The following PPP2R2C variants were observed in gnomAD, a reference collection of about 807,000 sequenced individuals.
PPP2R2C encodes protein phosphatase 2 regulatory subunit Bgamma.
A neutral mutation model predicts 45.3 loss-of-function variants in PPP2R2C; 10 were observed. That is an observed-to-expected ratio of 0.22 (90% CI 0.14 to 0.37). PPP2R2C has a LOEUF of 0.37. PPP2R2C is among the 10% of genes least tolerant of loss of function. The pLI is 1.00. For missense variants in PPP2R2C, 308 were observed against 619.7 expected (o/e 0.50, Z 5.34); for synonymous variants, 257 against 245.4 (o/e 1.05, Z -0.44).
intron 2 of PPP2R2C, among the ~76,000 whole-genome samples, chr4:6,524,673 A>G (rs1027768606): frequency 1.3e-5 from 2 of 152,182 alleles, no homozygotes; most frequent in Non-Finnish European, 1.5e-5. Flanking sequence ...AGCTTCACCT[A>G]TTTGTTACAA....
chr4:6,427,134 C>T (rs1719375590), intron 1 of PPP2R2C, among the ~76,000 whole-genome samples: 1 of 152,222 alleles, frequency 6.6e-6, no homozygotes, highest in African/African-American at 2.4e-5. Context: ...TCCTCCTGCT[C>T]ACTGCTCCAC....
chr4:6,525,226 G>A (rs940882905), intron 2 of PPP2R2C, among the ~76,000 whole-genome samples: 1 of 152,032 alleles, frequency 6.6e-6, no homozygotes, highest in African/African-American at 2.4e-5. Context: ...CCAACATGGT[G>A]AAACCCCATC....
intron 6 of PPP2R2C, among the ~76,000 whole-genome samples, chr4:6,336,182 C>T (rs1171449873): frequency 2.0e-5 from 3 of 152,062 alleles, no homozygotes. Context: ...TAGGCGCCTC[C>T]CTTTCCAGGA....
At chr4:6,447,806 C>G (rs976511125) in intron 1 of PPP2R2C, among the ~76,000 whole-genome samples, 1 of 152,134 alleles carries the variant, frequency 6.6e-6, no homozygotes, top group Admixed American at 6.5e-5. Flanking sequence ...CGTTTTCTCC[C>G]GTGCCTCAGC....
intron 2 of PPP2R2C, among the ~76,000 whole-genome samples, chr4:6,521,208 A>G (rs1362064294): frequency 6.6e-6 from 1 of 152,214 alleles, no homozygotes; most frequent in Non-Finnish European, 1.5e-5. Context: ...GTGCAAATAC[A>G]GCACCCAGTT....
chr4:6,383,680 A>G, intron 1 of PPP2R2C: 1 of 575,634 alleles, frequency 1.7e-6, no homozygotes, highest in South Asian at 2.6e-5. Context: ...CCCTGCCCCA[A>G]CCTAATCTGA....
chr4:6,498,402 G>A (rs1174704970), intron 2 of PPP2R2C, among the ~76,000 whole-genome samples: 3 of 152,162 alleles, frequency 2.0e-5, no homozygotes, highest in Non-Finnish European at 2.9e-5. Flanking sequence ...TGCTAAGCAC[G>A]GATCCACAGA....
intron 2 of PPP2R2C, among the ~76,000 whole-genome samples, chr4:6,495,768 G>A (rs1722861974): frequency 6.6e-6 from 1 of 152,180 alleles, no homozygotes; most frequent in African/African-American, 2.4e-5. Flanking sequence ...TGGCCCTTCC[G>A]AGTTTCTCCT....
intron 1 of PPP2R2C, among the ~76,000 whole-genome samples, chr4:6,452,539 G>A (rs1168123120): frequency 2.0e-5 from 3 of 152,218 alleles, no homozygotes; most frequent in African/African-American, 4.8e-5. Context: ...AGGAAACTGA[G>A]GCCCAGAGGG....
chr4:6,397,014 AC>A (rs1352852866), intron 1 of PPP2R2C, among the ~76,000 whole-genome samples: 1 of 151,992 alleles, frequency 6.6e-6, no homozygotes, highest in Non-Finnish European at 1.5e-5. Flanking sequence ...GTAACTATTG[AC>A]TCCCGCGCAC....
chr4:6,445,218 A>T (rs1720358985), intron 1 of PPP2R2C, among the ~76,000 whole-genome samples: 1 of 152,004 alleles, frequency 6.6e-6, no homozygotes, highest in Admixed American at 6.6e-5. Context: ...CAAAAAAAAA[A>T]ACCCTCTCCC....
intron 1 of PPP2R2C, among the ~76,000 whole-genome samples, chr4:6,549,971 G>A (rs1725128463): frequency 6.6e-6 from 1 of 152,166 alleles, no homozygotes; most frequent in Admixed American, 6.5e-5. Context: ...CCCTCACCCT[G>A]TGCCAATAAA....
intron 1 of PPP2R2C, among the ~76,000 whole-genome samples, chr4:6,415,745 A>G (rs1307875832): frequency 6.6e-6 from 1 of 152,220 alleles, no homozygotes; most frequent in African/African-American, 2.4e-5. Context: ...GGGGAACTGA[A>G]GGTCATCCAG....
chr4:6,345,614 C>T lies in PPP2R2C; in HGVS notation c.790+2232G>A, dbSNP rs563850779. Among the ~76,000 whole-genome samples, 20 of 152,226 alleles carry T rather than the reference C, an allele frequency of 1.3e-4. No homozygotes were observed. The highest frequency in any genetic ancestry group is 3.9e-4 in the East Asian group (2 of 5,184). On this transcript the variant is annotated intron_variant, in intron 6 of 8. Coordinates refer to ENST00000382599, the MANE Select transcript of PPP2R2C (RefSeq NM_020416.4). The surrounding 1 kb of genome is among the most constrained non-coding windows in gnomAD (Gnocchi z 5.3). ...GGGGGAGGGGCCACGTGCCAGGGAA[C>T]GCAGCGCCTCTAGAAGCCAGAAGAG...
chr4:6,438,445 G>A (rs954200880), intron 1 of PPP2R2C, among the ~76,000 whole-genome samples: 7 of 152,074 alleles, frequency 4.6e-5, no homozygotes, highest in Non-Finnish European at 8.8e-5. Flanking sequence ...TTGGTGGACG[G>A]GTCTCCCTCT....
At chr4:6,467,797 C>CTA (rs1721666949) in intron 1 of PPP2R2C, among the ~76,000 whole-genome samples, 1 of 152,180 alleles carries the variant, frequency 6.6e-6, no homozygotes, top group Admixed American at 6.5e-5. Flanking sequence ...CATCAGGCCT[C>CTA]TATGTCCTGG....
chr4:6,414,693 G>A (rs1577162892), intron 1 of PPP2R2C, among the ~76,000 whole-genome samples: 1 of 151,980 alleles, frequency 6.6e-6, no homozygotes, highest in Non-Finnish European at 1.5e-5. Context: ...CTCTTGTTGG[G>A]CTCCTAATGT....
chr4:6,340,517 C>G (rs557301369), intron 6 of PPP2R2C, among the ~76,000 whole-genome samples: 1 of 152,294 alleles, frequency 6.6e-6, no homozygotes, highest in South Asian at 2.1e-4. Flanking sequence ...GAGCCTGAAG[C>G]CATCCCCGAC....
At chr4:6,371,139 G>T (rs943546433) in intron 5 of PPP2R2C, among the ~76,000 whole-genome samples, 4 of 152,248 alleles carry the variant, frequency 2.6e-5, no homozygotes, top group Non-Finnish European at 4.4e-5. Context: ...GTCTCGGAGA[G>T]GGAGGTGAGT....
Sources: gnomAD v4.1 joint callset for allele counts (sites outside exome capture counted in the v4.1 genomes callset) on GRCh38, gnomAD v4.1.1 for gene constraint, Gnocchi (gnomAD v3.1) non-coding constraint, MANE v1.5 for transcripts, NCBI Gene and HGNC (gene_info 2026-07-23, HGNC 2026-07-21) for gene names.